Variants in SLC8A3 observed in about 807,000 individuals in gnomAD.
SLC8A3 encodes the protein sodium/calcium exchanger 3.
SLC8A3 carries 37 observed loss-of-function variants against 65.4 expected under a neutral mutation model. That is an observed-to-expected ratio of 0.57 (90% CI 0.44 to 0.74). SLC8A3 has a LOEUF of 0.74. Among genes scored for constraint, SLC8A3 ranks in the 30% least tolerant of loss-of-function variants. SLC8A3 has a pLI of 0.00. For missense variants in SLC8A3, 1,112 were observed against 1,172.1 expected (o/e 0.95, Z 0.75); for synonymous variants, 461 against 444.5 (o/e 1.04, Z -0.47).
rs1883557585 is a variant in SLC8A3 at position 70,188,645 on chromosome 14, G to T, written c.-329C>A. On this transcript the variant is annotated 5_prime_UTR_variant, in exon 1 of 7. Coordinates refer to ENST00000356921, the MANE Select transcript of SLC8A3 (RefSeq NM_182932.3). ...GAGGGTGTCTGGGGCCAGGGCGAGG[G>T]GCCCCGGGAGGGGTCCTTCCGCACG... 6.6e-6 allele frequency: 1 copy of T among 152,230 alleles called. No individual in the cohort carries two copies. Among genetic ancestry groups the T allele is most frequent in the South Asian group, 2.1e-4 (1 of 4,836 alleles). The allele number at this position is 152,230 out of a possible 1,614,324, so 9.4% of individuals were successfully genotyped here.
chr14:70,171,541 C>A (rs1897534932), intron 1 of SLC8A3, among the ~76,000 whole-genome samples: 1 of 152,148 alleles, frequency 6.6e-6, no homozygotes. Flanking sequence ...TGTCTCACAC[C>A]TGTAATCCCA....
At chr14:70,074,898 C>T (rs182658780) in intron 2 of SLC8A3, among the ~76,000 whole-genome samples, 10 of 152,242 alleles carry the variant, frequency 6.6e-5, no homozygotes, top group Admixed American at 4.6e-4. Flanking sequence ...CCTAGGGAGG[C>T]GACTCTAGTG....
chr14:70,187,639 G>GTGTGTGTGTGTGTGTGTGTGTGTT (rs775352761), intron 1 of SLC8A3, among the ~76,000 whole-genome samples: 2 of 128,026 alleles, frequency 1.6e-5, no homozygotes, highest in African/African-American at 6.4e-5. Flanking sequence ...GTGTGTGTGT[G>GTGTGTGTGTGTGTGTGTGTGTGTT]TCCGCGCGCG....
rs146060220 is a variant in SLC8A3 at position 70,095,982 on chromosome 14, A to T, written c.1785-35043T>A. On this transcript the variant is annotated intron_variant, in intron 2 of 6. Coordinates refer to ENST00000356921, the MANE Select transcript of SLC8A3 (RefSeq NM_182932.3). ...CTGCAACCTCCACCTCCCGGGTTCAAGCAAGTATCCTGCCTCAGCCTCCCA... is the reference window on the plus strand; with the variant it reads ...CTGCAACCTCCACCTCCCGGGTTCATGCAAGTATCCTGCCTCAGCCTCCCA... Among the ~76,000 whole-genome samples the T allele has an allele frequency of 1.7e-3, 261 of 152,212 alleles. 1 individual carries two copies. The highest frequency in any genetic ancestry group is 2.8e-3 in the Non-Finnish European group (188 of 68,008).
Position 70,045,867 on chromosome 14 carries a change from G to C in SLC8A3, c.*80C>G, listed in dbSNP as rs551975052. The C allele has an allele frequency of 2.2e-6, 3 of 1,361,468 alleles. No individual in the cohort carries two copies. Among genetic ancestry groups the C allele is most frequent in the Non-Finnish European group, 3.0e-6 (3 of 1,013,014 alleles). The allele number at this position is 1,361,468 out of a possible 1,614,324, so 84.3% of individuals were successfully genotyped here. A position where few individuals can be genotyped will look rare whatever the true frequency, so the allele number is the denominator to read the frequency against. On this transcript the variant is annotated 3_prime_UTR_variant, in exon 7 of 7. Coordinates refer to ENST00000356921, the MANE Select transcript of SLC8A3 (RefSeq NM_182932.3). ...GCTGCCTCTCCAGGGCAGTGCAGTC[G>C]GGAGAGATCACTGGTGGGGAAGTGC...
At chr14:70,060,697 C>A in intron 3 of SLC8A3, 139 bp downstream of exon 3, 1 of 762,424 alleles carries the variant, frequency 1.3e-6, no homozygotes, top group Non-Finnish European at 2.4e-6. Context: ...ATCCATTGGT[C>A]AAAAAGAGAA....
In SLC8A3 at chr14:70,045,892, C is replaced by T. The variant is rs953515208; in HGVS notation, c.*55G>A. 2.0e-5 allele frequency: 30 copies of T among 1,474,876 alleles called. No individual in the cohort carries two copies. Among genetic ancestry groups the T allele is most frequent in the Non-Finnish European group, 2.6e-5 (29 of 1,102,168 alleles). 91.4% of individuals were successfully genotyped at this position (1,474,876 alleles called of 1,614,324 possible). ...GGGAGAGATCACTGGTGGGGAAGTG[C>T]CCTTCTCTTAGGAGAAGTCCTAGGC... On this transcript the variant is annotated 3_prime_UTR_variant, in exon 7 of 7. Coordinates refer to ENST00000356921, the MANE Select transcript of SLC8A3 (RefSeq NM_182932.3).
rs746695282 is a variant in SLC8A3 at position 70,048,827 on chromosome 14, T to G, written c.2329A>C (p.Ile777Leu). Residue 777 changes from isoleucine to leucine, a missense_variant, in exon 6 of 7, where the codon ATT becomes CTT. By Grantham distance (5) the Ile-to-Leu change is conservative. Coordinates refer to ENST00000356921, the MANE Select transcript of SLC8A3 (RefSeq NM_182932.3). Reference protein sequence around the residue: ...GDLASHFGCTIGLKDSVTAVV... With the variant: ...GDLASHFGCTLGLKDSVTAVV... ...GCTGTGACTGAATCTTTGAGACCAA[T>G]GGTGCAGCCGAAGTGCGAGGCCAGG... 1 of 1,614,122 alleles carries G rather than the reference T, an allele frequency of 6.2e-7. No individual in the cohort carries two copies.
intron 1 of SLC8A3, among the ~76,000 whole-genome samples, chr14:70,186,507 C>T (rs12050332): frequency 0.7 from 106,407 of 152,096 alleles, 37,654 homozygotes; most frequent in East Asian, 0.99. Context: ...GCATTCCAAG[C>T]GGAGGAAACT....
At chr14:70,176,448 T>C (rs1897914813) in intron 1 of SLC8A3, among the ~76,000 whole-genome samples, 1 of 152,144 alleles carries the variant, frequency 6.6e-6, no homozygotes, top group Non-Finnish European at 1.5e-5. Context: ...GCCTAAATAC[T>C]TATGTTTTTG....
intron 1 of SLC8A3, among the ~76,000 whole-genome samples, chr14:70,175,836 G>A (rs1897874214): frequency 6.6e-6 from 1 of 150,464 alleles, no homozygotes; most frequent in South Asian, 2.1e-4. Flanking sequence ...CCAGGATCAA[G>A]CGATTCTCCT....
intron 3 of SLC8A3, chr14:70,055,817 T>A: frequency 1.2e-6 from 2 of 1,610,366 alleles, no homozygotes; most frequent in Non-Finnish European, 1.7e-6. Context: ...AGGAGCGCTG[T>A]TTGCAAATGG....
rs528408050 is a variant in SLC8A3 at position 70,071,981 on chromosome 14, A to G, written c.1785-11042T>C. Reference sequence around the variant, plus strand: ...CTCCTTTGAGCCCTCTGCTGCATGCAGCTTCTACATACCTGTGACTAGCTG... The same window carrying G: ...CTCCTTTGAGCCCTCTGCTGCATGCGGCTTCTACATACCTGTGACTAGCTG... On this transcript the variant is annotated intron_variant, in intron 2 of 6. Transcript: ENST00000356921. 3.9e-5 allele frequency among the ~76,000 whole-genome samples: 6 copies of G among 152,292 alleles called. No individual in the cohort carries two copies. The South Asian group carries it at 6.2e-4, about 16-fold the overall frequency.
At chr14:70,105,615 G>A (rs761319460) in intron 2 of SLC8A3, among the ~76,000 whole-genome samples, 2 of 152,098 alleles carry the variant, frequency 1.3e-5, no homozygotes, top group African/African-American at 4.8e-5. Flanking sequence ...TTCCCCCAAG[G>A]AAGCTCTAAG....
intron 3 of SLC8A3, among the ~76,000 whole-genome samples, chr14:70,054,672 G>A (rs1469232697): frequency 6.6e-6 from 1 of 151,998 alleles, no homozygotes; most frequent in Non-Finnish European, 1.5e-5. Flanking sequence ...TATTTTGTTG[G>A]TATAAAAAAG....
At chr14:70,182,120 G>C (rs1882802528) in intron 1 of SLC8A3, among the ~76,000 whole-genome samples, 1 of 152,152 alleles carries the variant, frequency 6.6e-6, no homozygotes. Flanking sequence ...ACAAGGGAGA[G>C]GAGTTCAAAT....
rs906955672 is a variant in SLC8A3 at position 70,046,386 on chromosome 14, C to T, written c.2390-63G>A. 6.7e-7 allele frequency: 1 copy of T among 1,501,342 alleles called. No individual in the cohort carries two copies. The highest frequency in any genetic ancestry group is 8.9e-7 in the Non-Finnish European group (1 of 1,117,668). 93.0% of individuals were successfully genotyped at this position (1,501,342 alleles called of 1,614,324 possible). A position where few individuals can be genotyped will look rare whatever the true frequency, so the allele number is the denominator to read the frequency against. On this transcript the variant is annotated intron_variant, in intron 6 of 6. Coordinates refer to ENST00000356921, the MANE Select transcript of SLC8A3 (RefSeq NM_182932.3). This position sits in a 1 kb window ranked among gnomAD's most constrained non-coding sequence, Gnocchi z 4.2. ...GCTAAGGTGTGCAGGGCTTGTCTTC[C>T]AGTATGCCCAAAAAGCAGCTTGAGC...
intron 2 of SLC8A3, among the ~76,000 whole-genome samples, chr14:70,116,558 A>G (rs1172739842): frequency 1.3e-5 from 2 of 152,142 alleles, no homozygotes; most frequent in East Asian, 3.9e-4. Flanking sequence ...CCACTTCATC[A>G]TTGGTTCTCA....
intron 2 of SLC8A3, among the ~76,000 whole-genome samples, chr14:70,161,529 C>T (rs1344699191): frequency 6.6e-6 from 1 of 152,036 alleles, no homozygotes; most frequent in Non-Finnish European, 1.5e-5. Flanking sequence ...GACTGTCTAC[C>T]TAAAGAGAAG....
Sources: gnomAD v4.1 joint callset for allele counts (sites outside exome capture counted in the v4.1 genomes callset) on GRCh38, gnomAD v4.1.1 for gene constraint, Gnocchi (gnomAD v3.1) non-coding constraint, MANE v1.5 for transcripts, NCBI Gene and HGNC (gene_info 2026-07-23, HGNC 2026-07-21) for gene names.